The following SMG6 variants were observed in gnomAD, a reference collection of about 807,000 sequenced individuals.
SMG6 encodes SMG6 nonsense mediated mRNA decay factor, also known as telomerase-binding protein EST1A.
A neutral mutation model predicts 142.2 loss-of-function variants in SMG6; 66 were observed. The ratio of observed to expected loss-of-function variants is 0.46; its 90% confidence interval spans 0.38 to 0.57. The LOEUF is 0.57. Ranked by LOEUF, SMG6 falls within the 20% of genes least tolerant of loss-of-function variation. The pLI is 0.00. For synonymous variants in SMG6, 779 were observed against 702.4 expected (o/e 1.11, Z -1.72); for missense variants, 1,793 against 1,832.0 (o/e 0.98, Z 0.39).
intron 8 of SMG6, among the ~76,000 whole-genome samples, chr17:2,264,580 T>C (rs897628368): frequency 3.9e-5 from 6 of 152,148 alleles, no homozygotes; most frequent in African/African-American, 1.4e-4. Flanking sequence ...ATTCTTAAAA[T>C]AGGTGTCAAG....
intron 13 of SMG6, among the ~76,000 whole-genome samples, chr17:2,151,731 G>C (rs2070831091): frequency 6.6e-6 from 1 of 152,100 alleles, no homozygotes; most frequent in African/African-American, 2.4e-5. Flanking sequence ...TATCCAATGG[G>C]GCAGGACATT....
chr17:2,095,983 C>T (rs758794543), intron 13 of SMG6, among the ~76,000 whole-genome samples: 3 of 152,152 alleles, frequency 2.0e-5, no homozygotes, highest in African/African-American at 7.2e-5. Flanking sequence ...TCACATATTA[C>T]TCCCCCAACC....
chr17:2,236,812 C>G (rs2073674578), intron 9 of SMG6, 175 bp from the exon 10 acceptor site: 1 of 1,302,092 alleles, frequency 7.7e-7, no homozygotes, highest in Non-Finnish European at 9.7e-7. Flanking sequence ...CGGTATCCTG[C>G]AATTTTGAAC....
chr17:2,093,058 G>C (rs1188224775), intron 13 of SMG6, among the ~76,000 whole-genome samples: 1 of 152,110 alleles, frequency 6.6e-6, no homozygotes, highest in South Asian at 2.1e-4. Context: ...AGCTGGGTTA[G>C]TAGCGGGCTC....
chr17:2,291,874 G>C (rs1009744242), intron 6 of SMG6, among the ~76,000 whole-genome samples: 1 of 111,138 alleles, frequency 9.0e-6, no homozygotes, highest in African/African-American at 3.1e-5. Context: ...AAAAAAAAGA[G>C]AGAGACAATT....
At chr17:2,198,613 C>G (rs1355843188) in intron 10 of SMG6, among the ~76,000 whole-genome samples, 2 of 152,058 alleles carry the variant, frequency 1.3e-5, no homozygotes, top group Non-Finnish European at 2.9e-5. Flanking sequence ...GTGCATAAGA[C>G]CTCTCTGTAC....
intron 2 of SMG6, 88 bp from the exon 3 acceptor site, chr17:2,298,143 C>G (rs2075185059): frequency 1.6e-6 from 2 of 1,230,628 alleles, no homozygotes; most frequent in Non-Finnish European, 1.1e-6. Context: ...AATTAACCAC[C>G]TCCCCTGGCA....
At chr17:2,161,194 G>T (rs918193408) in intron 13 of SMG6, among the ~76,000 whole-genome samples, 1 of 150,058 alleles carries the variant, frequency 6.7e-6, no homozygotes, top group African/African-American at 2.5e-5. Context: ...TGCAACCTCT[G>T]CCTCCTGGGT....
At chr17:2,182,528 T>A (rs570639545) in intron 12 of SMG6, among the ~76,000 whole-genome samples, 2 of 151,624 alleles carry the variant, frequency 1.3e-5, no homozygotes, top group East Asian at 3.9e-4. Flanking sequence ...AGGGAAAAAA[T>A]TTAGAAAGAA....
intron 10 of SMG6, among the ~76,000 whole-genome samples, chr17:2,210,938 A>G (rs2072835905): frequency 6.6e-6 from 1 of 151,928 alleles, no homozygotes; most frequent in African/African-American, 2.4e-5. Context: ...TCTGGAAGAA[A>G]TCCCCTTCTG....
chr17:2,240,918 G>C (rs115070460), intron 9 of SMG6, among the ~76,000 whole-genome samples: 1,788 of 152,300 alleles, frequency 0.012, 52 homozygotes, highest in African/African-American at 0.041. Flanking sequence ...TTCGTAATTA[G>C]GCAACAGTCT....
intron 12 of SMG6, among the ~76,000 whole-genome samples, chr17:2,176,958 G>A (rs1317945244): frequency 6.6e-6 from 1 of 152,210 alleles, no homozygotes; most frequent in African/African-American, 2.4e-5. Flanking sequence ...CAGTTTGAGT[G>A]CAGTGCAGCT....
intron 10 of SMG6, among the ~76,000 whole-genome samples, chr17:2,193,512 G>C (rs1346013517): frequency 6.6e-6 from 1 of 152,142 alleles, no homozygotes; most frequent in Non-Finnish European, 1.5e-5. Context: ...GTTCCCTTTG[G>C]ATTTTCTTCT....
intron 3 of SMG6, 24 bp from the exon 4 acceptor site, chr17:2,297,377 A>G (rs764257084): frequency 6.4e-7 from 1 of 1,557,798 alleles, no homozygotes; most frequent in Non-Finnish European, 8.8e-7. Flanking sequence ...AAAAGAAATG[A>G]CTGAATCAAT....
chr17:2,241,113 C>T (rs781708774), intron 9 of SMG6, among the ~76,000 whole-genome samples: 3 of 152,150 alleles, frequency 2.0e-5, no homozygotes, highest in Non-Finnish European at 2.9e-5. Flanking sequence ...CTAGAATCCA[C>T]ATACATTTTC....
intron 16 of SMG6, among the ~76,000 whole-genome samples, chr17:2,067,197 G>A (rs377301867): frequency 1.3e-5 from 2 of 152,132 alleles, no homozygotes; most frequent in Non-Finnish European, 2.9e-5. Context: ...TTTCTCATGC[G>A]TTTGCTCCCT....
rs2068019604 is a variant in SMG6, at chr17:2,068,857, G to A, written c.3756C>T (p.Thr1252=). The A allele has an allele frequency of 6.2e-7, 1 of 1,614,128 alleles. No individual in the cohort carries two copies. The highest frequency in any genetic ancestry group is 8.5e-7 in the Non-Finnish European group (1 of 1,180,046). The stretch of plus-strand genomic sequence containing the variant: ...TGGCCAGGTGGTCAATGAAGCCGTT[G>A]GTGTCTGGTACGAGGAACAAAGGTC... ...EIRPLFLVPD[T]NGFIDHLASL... is the part of the protein sequence containing the mutation. Residue 1252 remains threonine, a synonymous_variant, in exon 16 of 19, where the codon ACC becomes ACT. Transcript: ENST00000263073. The surrounding 1 kb of genome is among the most constrained non-coding windows in gnomAD (Gnocchi z 6.7).
In SMG6 at chr17:2,281,977, C is replaced by T. The variant is rs2074797449; in HGVS notation, c.2661+670G>A. Among the ~76,000 whole-genome samples, 6 of 152,180 alleles carry T rather than the reference C, an allele frequency of 3.9e-5. No individual in the cohort carries two copies. The South Asian group carries it at 1.0e-3, about 26-fold the overall frequency. ...ACCAATGGCTGCTTTGGTCCCATGG[C>T]TATGTGCTCTCATATACTGGGTGTG... On this transcript the variant is annotated intron_variant, in intron 8 of 18. Coordinates refer to ENST00000263073, the MANE Select transcript of SMG6 (RefSeq NM_017575.5).
chr17:2,074,782 G>A (rs2068211103), intron 15 of SMG6, among the ~76,000 whole-genome samples: 1 of 152,180 alleles, frequency 6.6e-6, no homozygotes, highest in Admixed American at 6.5e-5. Context: ...AAAGATAATC[G>A]GATTGAATTT....
Sources: gnomAD v4.1 joint callset for allele counts (sites outside exome capture counted in the v4.1 genomes callset) on GRCh38, gnomAD v4.1.1 for gene constraint, Gnocchi (gnomAD v3.1) non-coding constraint, MANE v1.5 for transcripts, NCBI Gene and HGNC (gene_info 2026-07-23, HGNC 2026-07-21) for gene names.